Variants in HMBOX1 observed in about 807,000 individuals in gnomAD.
HMBOX1 encodes homeobox containing 1, also known as homeobox-containing protein 1.
A neutral mutation model predicts 54.5 loss-of-function variants in HMBOX1; 14 were observed. The observed-to-expected ratio is 0.26, with a 90% CI of 0.17 to 0.40. The LOEUF is 0.40. Ranked by LOEUF, HMBOX1 falls within the 10% of genes least tolerant of loss-of-function variation. The pLI is 1.00. For synonymous variants in HMBOX1, 160 were observed against 181.0 expected, an observed-to-expected ratio of 0.88 and a Z score of 0.93; for missense variants, 332 against 514.4, an observed-to-expected ratio of 0.65 and a Z score of 3.43.
In HMBOX1 at chr8:29,051,010, A is replaced by C; in HGVS notation, c.1126-8A>C. 6.2e-7 allele frequency: 1 copy of C among 1,604,084 alleles called. No homozygotes were observed. Reference sequence around the variant, plus strand: ...CACTAATAACATTTCTTATTTCTGCACATCTAGGATGACAGTACGAGCCAT... The same window carrying C: ...CACTAATAACATTTCTTATTTCTGCCCATCTAGGATGACAGTACGAGCCAT... On this transcript the variant is annotated splice_region_variant and splice_polypyrimidine_tract_variant and intron_variant, in intron 9 of 9. Coordinates refer to ENST00000287701, the MANE Select transcript of HMBOX1 (RefSeq NM_001135726.3).
chr8:28,896,224 T>C (rs968888883), intron 1 of HMBOX1, among the ~76,000 whole-genome samples: 1 of 152,240 alleles, frequency 6.6e-6, no homozygotes, highest in Non-Finnish European at 1.5e-5. Context: ...TTTTGGCATA[T>C]TATAGTTTAC....
intron 1 of HMBOX1, among the ~76,000 whole-genome samples, chr8:28,908,845 G>A (rs894725534): frequency 6.6e-6 from 1 of 152,116 alleles, no homozygotes; most frequent in Non-Finnish European, 1.5e-5. Flanking sequence ...TGTAATTTCA[G>A]TGTTTTGGGA....
intron 6 of HMBOX1, among the ~76,000 whole-genome samples, chr8:29,035,848 G>A (rs1301442782): frequency 2.0e-5 from 3 of 152,122 alleles, no homozygotes; most frequent in Non-Finnish European, 2.9e-5. Flanking sequence ...AAGTTGGTTC[G>A]AATTTGTCAG....
intron 1 of HMBOX1, among the ~76,000 whole-genome samples, chr8:28,908,517 G>A (rs1814768058): frequency 6.6e-6 from 1 of 152,190 alleles, no homozygotes; most frequent in Admixed American, 6.5e-5. Context: ...CACTTTGGGA[G>A]GCCAAGGCGG....
chr8:28,987,058 G>A (rs902984794), intron 4 of HMBOX1, among the ~76,000 whole-genome samples: 5 of 152,136 alleles, frequency 3.3e-5, no homozygotes, highest in Admixed American at 2.0e-4. Context: ...GTGCATAGGA[G>A]TCTACATTTT....
intron 1 of HMBOX1, among the ~76,000 whole-genome samples, chr8:28,924,414 A>AT (rs1257828912): frequency 6.7e-6 from 1 of 149,646 alleles, no homozygotes; most frequent in East Asian, 2.0e-4. Flanking sequence ...GGCCCTGCAC[A>AT]TAAGTTTTTA....
rs1220995434 is a variant in HMBOX1 at position 29,051,937 on chromosome 8, G to GA, written c.*792dup. The GA allele has an allele frequency of 1.9e-3, 370 of 196,176 alleles. 1 individual carries two copies. Among genetic ancestry groups the GA allele is most frequent in the African/African-American group, 3.7e-3 (151 of 40,878 alleles). The allele number at this position is 196,176 out of a possible 1,614,324, so 12.2% of individuals were successfully genotyped here. A position where few individuals can be genotyped will look rare whatever the true frequency, so the allele number is the denominator to read the frequency against. On this transcript the variant is annotated 3_prime_UTR_variant, in exon 10 of 10. Coordinates refer to ENST00000287701, the MANE Select transcript of HMBOX1 (RefSeq NM_001135726.3). ...AAAAAAACCCAGCTTGAGAGCATTG[G>GA]AAAAAAAAAATATGAGCTGAATGTC...
intron 1 of HMBOX1, among the ~76,000 whole-genome samples, chr8:28,892,948 T>C (rs574749711): frequency 1.3e-5 from 2 of 152,326 alleles, no homozygotes; most frequent in East Asian, 3.9e-4. Flanking sequence ...AAGCATATTA[T>C]AATAGTCATG....
chr8:29,051,420 G>T lies in HMBOX1; in HGVS notation c.*265G>T. On this transcript the variant is annotated 3_prime_UTR_variant, in exon 10 of 10. Transcript: ENST00000287701. ...CGAGGCTAGAAAATCTTGCTGCTCC[G>T]TCTTAGCATTCCAAGAAAGTGCTTC... 1 of 672,530 alleles carries T rather than the reference G, an allele frequency of 1.5e-6. No individual in the cohort carries two copies. The highest frequency in any genetic ancestry group is 2.7e-6 in the Non-Finnish European group (1 of 366,052). 41.7% of individuals were successfully genotyped at this position (672,530 alleles called of 1,614,324 possible).
At chr8:29,009,455 A>G in intron 5 of HMBOX1, 1 of 980,566 alleles carries the variant, frequency 1.0e-6, no homozygotes, top group Non-Finnish European at 1.2e-6. Flanking sequence ...AGTTTGAAAG[A>G]ACGCTATGAA....
chr8:28,951,422 C>T (rs1046953715), intron 1 of HMBOX1, among the ~76,000 whole-genome samples: 2 of 152,126 alleles, frequency 1.3e-5, no homozygotes, highest in African/African-American at 2.4e-5. Context: ...TGAGCCACTG[C>T]GCCCGGCCCA....
chr8:28,942,186 C>G (rs549200347), intron 1 of HMBOX1, among the ~76,000 whole-genome samples: 21 of 152,226 alleles, frequency 1.4e-4, no homozygotes, highest in African/African-American at 5.1e-4. Context: ...GAAAAAGACA[C>G]CATGCCATTT....
intron 1 of HMBOX1, among the ~76,000 whole-genome samples, chr8:28,956,998 G>A (rs997774637): frequency 6.6e-6 from 1 of 152,182 alleles, no homozygotes; most frequent in East Asian, 1.9e-4. Context: ...ACAGACGTTG[G>A]CAAGGCCACT....
intron 4 of HMBOX1, among the ~76,000 whole-genome samples, chr8:28,995,386 G>C (rs1322811636): frequency 6.6e-6 from 1 of 152,100 alleles, no homozygotes; most frequent in African/African-American, 2.4e-5. Context: ...ATCATTATAT[G>C]TATATACTAT....
intron 1 of HMBOX1, among the ~76,000 whole-genome samples, chr8:28,957,364 C>T (rs746541078): frequency 4.6e-5 from 7 of 152,096 alleles, no homozygotes; most frequent in Non-Finnish European, 7.4e-5. Flanking sequence ...TTTGGGTACA[C>T]GTGCACATAA....
chr8:28,897,850 A>G (rs943540953), intron 1 of HMBOX1, among the ~76,000 whole-genome samples: 3 of 152,238 alleles, frequency 2.0e-5, no homozygotes, highest in Non-Finnish European at 4.4e-5. Context: ...ATTGATTGTC[A>G]GCATATGTCA....
At chr8:28,911,668 T>C (rs1454999020) in intron 1 of HMBOX1, among the ~76,000 whole-genome samples, 2 of 152,138 alleles carry the variant, frequency 1.3e-5, no homozygotes, top group African/African-American at 4.8e-5. Context: ...TGCTTGACTT[T>C]TATTGCTGCT....
At chr8:28,979,676 T>C (rs1829027084) in intron 3 of HMBOX1, among the ~76,000 whole-genome samples, 1 of 152,230 alleles carries the variant, frequency 6.6e-6, no homozygotes, top group Non-Finnish European at 1.5e-5. Flanking sequence ...TGCTCACAAC[T>C]GAATTTGTTG....
intron 5 of HMBOX1, among the ~76,000 whole-genome samples, chr8:29,016,931 GGGAA>G (rs1442684997): frequency 6.6e-6 from 1 of 152,222 alleles, no homozygotes; most frequent in African/African-American, 2.4e-5. Context: ...GGTGCAGTGT[GGGAA>G]GGGACTATAC....
Sources: allele counts gnomAD v4.1 joint callset (sites outside exome capture counted in the v4.1 genomes callset), GRCh38; gene constraint gnomAD v4.1.1; transcripts MANE v1.5; gene names NCBI Gene and HGNC (gene_info 2026-07-23, HGNC 2026-07-21).